RPS6KC1: variants seen among roughly 807,000 people sequenced by gnomAD.
RPS6KC1 encodes inactive ribosomal protein S6 kinase delta-1.
Under a neutral mutation model 103.8 loss-of-function variants are expected in RPS6KC1, and 54 were observed. That is an observed-to-expected ratio of 0.52 (90% CI 0.42 to 0.65). The LOEUF (loss-of-function observed/expected upper bound fraction) is 0.65. Among genes scored for constraint, RPS6KC1 ranks in the 30% least tolerant of loss-of-function variants. The pLI is 0.00. For synonymous variants in RPS6KC1, 439 were observed against 438.7 expected, an observed-to-expected ratio of 1.00 and a Z score of -0.01; for missense variants, 1,151 against 1,253.8, an observed-to-expected ratio of 0.92 and a Z score of 1.24.
Position 213,119,649 on chromosome 1 carries a change from A to G in RPS6KC1, c.472+2239A>G, listed in dbSNP as rs995467555. Reference sequence around the variant, plus strand: ...AGCTTCTGTTACTAGGTGGGAGTCAACCATGGTGAAAGAACGGTATCTTAG... The same window carrying G: ...AGCTTCTGTTACTAGGTGGGAGTCAGCCATGGTGAAAGAACGGTATCTTAG... On this transcript the variant is annotated intron_variant, in intron 5 of 14. Coordinates refer to ENST00000366960, the MANE Select transcript of RPS6KC1 (RefSeq NM_012424.6). Among the ~76,000 whole-genome samples the G allele has an allele frequency of 2.0e-5, 3 of 151,718 alleles. No homozygotes were observed. In the East Asian group the frequency reaches 5.8e-4, roughly 29 times the overall value.
At chr1:213,288,170 G>C in the RPS6KC1 span, among the ~76,000 whole-genome samples, 4 of 152,268 alleles carry the variant, frequency 2.6e-5, no homozygotes, top group Non-Finnish European at 5.9e-5. Flanking sequence ...CAAAACACTT[G>C]TGTCAACCGT....
At chr1:213,494,131 G>C in the RPS6KC1 span, among the ~76,000 whole-genome samples, 3 of 152,142 alleles carry the variant, frequency 2.0e-5, no homozygotes, top group East Asian at 5.8e-4. Flanking sequence ...ACATTAGCCT[G>C]CCCCCGGCTA....
the RPS6KC1 span, among the ~76,000 whole-genome samples, chr1:213,596,105 A>T: frequency 6.6e-6 from 1 of 152,254 alleles, no homozygotes; most frequent in African/African-American, 2.4e-5. Context: ...TATGAAAATG[A>T]CAGGAAGTGA....
chr1:213,800,458 T>A, the RPS6KC1 span, among the ~76,000 whole-genome samples: 1 of 152,212 alleles, frequency 6.6e-6, no homozygotes. Context: ...ATTGCTACCA[T>A]GGATGACATT....
At chr1:213,333,878 C>T in the RPS6KC1 span, among the ~76,000 whole-genome samples, 1 of 152,158 alleles carries the variant, frequency 6.6e-6, no homozygotes, top group African/African-American at 2.4e-5. Flanking sequence ...GAAGGGCTTT[C>T]ACAATGTTGG....
chr1:213,229,837 T>G (rs1245509484), intron 8 of RPS6KC1, among the ~76,000 whole-genome samples: 2 of 152,158 alleles, frequency 1.3e-5, no homozygotes, highest in African/African-American at 4.8e-5. Context: ...GGCCGCTGTT[T>G]TGAGGATAGA....
At chr1:213,814,606 T>C in the RPS6KC1 span, among the ~76,000 whole-genome samples, 1 of 152,224 alleles carries the variant, frequency 6.6e-6, no homozygotes, top group Non-Finnish European at 1.5e-5. Flanking sequence ...CTCCATCTTC[T>C]TATCAGTAAA....
At chr1:213,600,179 C>T in the RPS6KC1 span, among the ~76,000 whole-genome samples, 380 of 152,276 alleles carry the variant, frequency 2.5e-3, 2 homozygotes, top group African/African-American at 8.7e-3. Flanking sequence ...CCTGAGGCCT[C>T]CCCAGCCATG....
chr1:213,114,748 A>G (rs2083400540), intron 4 of RPS6KC1, among the ~76,000 whole-genome samples: 1 of 151,970 alleles, frequency 6.6e-6, no homozygotes, highest in African/African-American at 2.4e-5. Context: ...CCTAATTGAG[A>G]GTTTTTAGCA....
the RPS6KC1 span, among the ~76,000 whole-genome samples, chr1:213,687,343 T>C: frequency 6.6e-6 from 1 of 152,042 alleles, no homozygotes; most frequent in Non-Finnish European, 1.5e-5. Flanking sequence ...AATGGAAAAA[T>C]TGGGTTTTAA....
rs558185426 is a variant in RPS6KC1 at position 213,174,998 on chromosome 1, C to A, written c.952-1402C>A. Among the ~76,000 whole-genome samples the A allele has an allele frequency of 5.2e-4, 79 of 152,268 alleles. 1 individual carries two copies. Among genetic ancestry groups the A allele is most frequent in the African/African-American group, 1.9e-3 (78 of 41,542 alleles). On this transcript the variant is annotated intron_variant, in intron 7 of 14. Transcript: ENST00000366960. ...AAAGTCTCTTTTAAAACTTAAACAT[C>A]ATTTCAGGTACAGTTAAATTATTAT... is the stretch of plus-strand genomic sequence containing the variant.
chr1:213,244,094 AT>A (rs903649814), intron 12 of RPS6KC1, among the ~76,000 whole-genome samples: 21 of 150,748 alleles, frequency 1.4e-4, no homozygotes, highest in African/African-American at 2.7e-4. Flanking sequence ...GCACACTTAC[AT>A]TTTTTTTTCT....
chr1:213,329,860 G>A, the RPS6KC1 span, among the ~76,000 whole-genome samples: 3 of 151,924 alleles, frequency 2.0e-5, no homozygotes, highest in African/African-American at 7.2e-5. Context: ...TCACACAGGC[G>A]ACAAAATCTC....
chr1:213,423,382 C>T, the RPS6KC1 span, among the ~76,000 whole-genome samples: 1 of 152,162 alleles, frequency 6.6e-6, no homozygotes, highest in Non-Finnish European at 1.5e-5. Flanking sequence ...GGGCAACTCC[C>T]TCCTCTCATC....
In RPS6KC1 at chr1:213,153,303, A is replaced by AGGCAGG. The variant is rs879621634; in HGVS notation, c.836-14525_836-14520dup. Among the ~76,000 whole-genome samples the AGGCAGG allele has an allele frequency of 8.8e-4, 126 of 143,004 alleles. No homozygotes were observed. The Middle Eastern group carries it at 0.011, about 12-fold the overall frequency. 93.8% of individuals were successfully genotyped at this position (143,004 alleles called of 152,430 possible). On this transcript the variant is annotated intron_variant, in intron 6 of 14. Coordinates refer to ENST00000366960, the MANE Select transcript of RPS6KC1 (RefSeq NM_012424.6). Reference sequence around the variant, plus strand: ...AAGGCAGGCGCAGAGGCAGGCACAGAGGCAGGGGCAGGGGCAGGGGCAGGG... The same window carrying AGGCAGG: ...AAGGCAGGCGCAGAGGCAGGCACAGAGGCAGGGGCAGGGGCAGGGGCAGGGGCAGGG...
the RPS6KC1 span, among the ~76,000 whole-genome samples, chr1:213,668,791 G>A: frequency 6.6e-6 from 1 of 152,116 alleles, no homozygotes; most frequent in Non-Finnish European, 1.5e-5. Context: ...AGATCTTCTG[G>A]ATAACTTGCA....
chr1:213,815,108 G>GT, the RPS6KC1 span, among the ~76,000 whole-genome samples: 1 of 152,166 alleles, frequency 6.6e-6, no homozygotes, highest in African/African-American at 2.4e-5. Flanking sequence ...GTGATAGTGA[G>GT]TGAGTTCTCA....
the RPS6KC1 span, among the ~76,000 whole-genome samples, chr1:213,346,825 G>A: frequency 1.3e-5 from 2 of 152,122 alleles, no homozygotes; most frequent in Non-Finnish European, 2.9e-5. Flanking sequence ...CGTAAGTTTA[G>A]CCTGCTTGTC....
chr1:213,616,558 T>C, the RPS6KC1 span, among the ~76,000 whole-genome samples: 2 of 152,212 alleles, frequency 1.3e-5, no homozygotes, highest in Admixed American at 6.5e-5. Context: ...ATTCCTGTAA[T>C]CCTAGCTATT....
Sources: allele counts gnomAD v4.1 joint callset (sites outside exome capture counted in the v4.1 genomes callset), GRCh38; gene constraint gnomAD v4.1.1; transcripts MANE v1.5; gene names NCBI Gene and HGNC (gene_info 2026-07-23, HGNC 2026-07-21).